Variants in LRRC4C observed in about 807,000 individuals in gnomAD.
The protein encoded by LRRC4C is leucine rich repeat containing 4C, also known as leucine-rich repeat-containing protein 4C.
LRRC4C carries 5 observed loss-of-function variants against 33.6 expected under a neutral mutation model. The ratio of observed to expected loss-of-function variants is 0.15; its 90% CI spans 0.08 to 0.31. LRRC4C has a LOEUF of 0.31. Ranked by LOEUF, LRRC4C falls within the 10% of genes least tolerant of loss-of-function variation. The pLI, the probability that LRRC4C is intolerant of heterozygous loss-of-function variation, is 1.00. For synonymous variants in LRRC4C, 329 were observed against 302.0 expected (o/e 1.09, Z -0.93); for missense variants, 560 against 796.7 (o/e 0.70, Z 3.58).
At chr11:40,974,625 T>A (rs997084959) in intron 1 of LRRC4C, among the ~76,000 whole-genome samples, 2 of 152,216 alleles carry the variant, frequency 1.3e-5, no homozygotes, top group Admixed American at 1.3e-4. Context: ...CTTGACTGAA[T>A]TCAGAAATAC....
At chr11:40,344,168 T>G (rs1277200491) in intron 3 of LRRC4C, among the ~76,000 whole-genome samples, 1 of 152,084 alleles carries the variant, frequency 6.6e-6, no homozygotes, top group African/African-American at 2.4e-5. Context: ...AGCATCATCT[T>G]GATACCAAAA....
At chr11:40,607,061 A>G (rs1367213879) in intron 3 of LRRC4C, among the ~76,000 whole-genome samples, 1 of 152,208 alleles carries the variant, frequency 6.6e-6, no homozygotes, top group African/African-American at 2.4e-5. Context: ...TTATATATTT[A>G]AAGTACTGAA....
At chr11:40,539,646 A>C (rs1956623205) in intron 3 of LRRC4C, among the ~76,000 whole-genome samples, 1 of 152,186 alleles carries the variant, frequency 6.6e-6, no homozygotes, top group Non-Finnish European at 1.5e-5. Context: ...AACTACCTAC[A>C]GAGTATCACT....
chr11:41,454,184 T>C (rs968126038), intron 1 of LRRC4C, among the ~76,000 whole-genome samples: 3 of 152,106 alleles, frequency 2.0e-5, no homozygotes, highest in Non-Finnish European at 4.4e-5. Context: ...CAAAGCAGAA[T>C]TGGACTCATC....
intron 3 of LRRC4C, among the ~76,000 whole-genome samples, chr11:40,438,748 C>T (rs914085083): frequency 6.6e-6 from 1 of 152,116 alleles, no homozygotes; most frequent in African/African-American, 2.4e-5. Flanking sequence ...ATTGCCTACT[C>T]ATAATTTATC....
intron 3 of LRRC4C, among the ~76,000 whole-genome samples, chr11:40,553,989 C>T (rs1957230882): frequency 6.6e-6 from 1 of 152,094 alleles, no homozygotes; most frequent in South Asian, 2.1e-4. Context: ...GTTCCATTTG[C>T]TTTTGAGGAC....
chr11:40,351,211 A>G (rs1947366652), intron 3 of LRRC4C, among the ~76,000 whole-genome samples: 1 of 151,740 alleles, frequency 6.6e-6, no homozygotes, highest in African/African-American at 2.4e-5. Flanking sequence ...ACAGTTTCCA[A>G]TGTTTCTCTT....
chr11:41,424,710 C>T (rs185391367), intron 1 of LRRC4C, among the ~76,000 whole-genome samples: 2 of 152,126 alleles, frequency 1.3e-5, no homozygotes, highest in East Asian at 3.9e-4. Context: ...AGAGGTTAAT[C>T]AGGTAGTAAT....
At chr11:41,188,705 CAAAA>C (rs10559968) in intron 1 of LRRC4C, among the ~76,000 whole-genome samples, 12 of 111,102 alleles carry the variant, frequency 1.1e-4, no homozygotes, top group Admixed American at 2.9e-4. Context: ...GAAAAAGAAG[CAAAA>C]AAAAAAAAAA....
rs748194237 is a variant in LRRC4C at position 40,115,082 on chromosome 11, G to A, written c.1211C>T (p.Ala404Val). ...MTHGAYKVRI[A>V]VLSDGTLNFT... is the part of the protein sequence containing the mutation. The stretch of plus-strand genomic sequence containing the variant: ...ATTTAACGTACCATCACTGAGCACA[G>A]CTATCCGCACTTTGTACGCCCCATG... The change falls in exon 7 of 7, where the codon GCT (alanine) becomes GTT (valine). Residue 404 changes from alanine to valine, a missense_variant. Ala to Val is a moderately conservative substitution (Grantham distance 64, BLOSUM62 0). Coordinates refer to ENST00000528697, the MANE Select transcript of LRRC4C (RefSeq NM_001258419.2). This position sits in a 1 kb window ranked among gnomAD's most constrained non-coding sequence, Gnocchi z 6.7. 4.3e-6 allele frequency: 7 copies of A among 1,614,170 alleles called. No individual in the cohort carries two copies. Among genetic ancestry groups the A allele is most frequent in the Non-Finnish European group, 5.9e-6 (7 of 1,180,038 alleles).
intron 2 of LRRC4C, among the ~76,000 whole-genome samples, chr11:40,773,963 CTTA>C (rs1289012006): frequency 6.6e-6 from 1 of 152,094 alleles, no homozygotes; most frequent in Non-Finnish European, 1.5e-5. Flanking sequence ...TCTTCAAACA[CTTA>C]TTATCACAAA....
chr11:41,304,272 C>T (rs1190535460), intron 1 of LRRC4C, among the ~76,000 whole-genome samples: 43 of 113,340 alleles, frequency 3.8e-4, no homozygotes, highest in Admixed American at 5.1e-4. Context: ...AGGTGAGGGG[C>T]GCCTCTGCCC....
intron 5 of LRRC4C, among the ~76,000 whole-genome samples, chr11:40,220,877 G>GTTT (rs5791363): frequency 7.1e-6 from 1 of 141,588 alleles, no homozygotes; most frequent in African/African-American, 2.6e-5. Flanking sequence ...TGTGTTTTTG[G>GTTT]TTTTTTTTTT....
At chr11:40,768,242 A>G (rs939091879) in intron 2 of LRRC4C, among the ~76,000 whole-genome samples, 13 of 152,166 alleles carry the variant, frequency 8.5e-5, no homozygotes, top group African/African-American at 2.6e-4. Flanking sequence ...TCCTGGACCC[A>G]TACAACCTAC....
intron 5 of LRRC4C, among the ~76,000 whole-genome samples, chr11:40,178,225 A>G (rs1171036906): frequency 2.6e-5 from 4 of 152,250 alleles, no homozygotes; most frequent in African/African-American, 9.6e-5. Flanking sequence ...CTGGAAAGGC[A>G]TATCCGTTCA....
At chr11:41,211,515 T>C (rs572728842) in intron 1 of LRRC4C, among the ~76,000 whole-genome samples, 1 of 152,104 alleles carries the variant, frequency 6.6e-6, no homozygotes, top group South Asian at 2.1e-4. Context: ...GTGTGTGATG[T>C]TCCCCTTCCT....
At chr11:40,347,700 C>T (rs761996000) in intron 3 of LRRC4C, among the ~76,000 whole-genome samples, 15 of 152,132 alleles carry the variant, frequency 9.9e-5, no homozygotes, top group Non-Finnish European at 1.5e-4. Context: ...ACTCTGCCTC[C>T]GGGGTTCGAG....
Position 40,479,580 on chromosome 11 carries a change from G to A in LRRC4C, c.-269-159859C>T, listed in dbSNP as rs533424085. Among the ~76,000 whole-genome samples the A allele has an allele frequency of 5.3e-5, 8 of 152,286 alleles. No homozygotes were observed. The South Asian group carries it at 1.7e-3, about 32-fold the overall frequency. ...CAAATTCATCCATGATAAAATGAAG[G>A]GAGTAAGCTGGATCAGGTTAAGCTG... On this transcript the variant is annotated intron_variant, in intron 3 of 6. Coordinates refer to ENST00000528697, the MANE Select transcript of LRRC4C (RefSeq NM_001258419.2).
chr11:41,163,208 T>A (rs979938233), intron 1 of LRRC4C, among the ~76,000 whole-genome samples: 5 of 151,764 alleles, frequency 3.3e-5, no homozygotes, highest in Non-Finnish European at 5.9e-5. Flanking sequence ...CAATTAAACC[T>A]CTTTTTCTTC....
Sources: gnomAD v4.1 joint callset for allele counts (sites outside exome capture counted in the v4.1 genomes callset) on GRCh38, gnomAD v4.1.1 for gene constraint, Gnocchi (gnomAD v3.1) non-coding constraint, MANE v1.5 for transcripts, NCBI Gene and HGNC (gene_info 2026-07-23, HGNC 2026-07-21) for gene names.